The following LNP1 variants were observed in gnomAD, a reference collection of about 807,000 sequenced individuals.
The protein encoded by LNP1 is leukemia NUP98 fusion partner 1.
LNP1 carries 12 observed loss-of-function variants against 14.5 expected under a neutral mutation model. The ratio of observed to expected loss-of-function variants is 0.83; its 90% CI spans 0.53 to 1.34. The LOEUF is 1.34. Among genes scored for constraint, LNP1 ranks in the 40% most tolerant of loss-of-function variants. The pLI, the probability that LNP1 is intolerant of heterozygous loss-of-function variation, is 0.00. For synonymous variants in LNP1, 75 were observed against 71.4 expected, an observed-to-expected ratio of 1.05 and a Z score of -0.26; for missense variants, 198 against 210.9, an observed-to-expected ratio of 0.94 and a Z score of 0.38.
At chr3:100,450,065 G>A (rs1214635453) in intron 2 of LNP1, among the ~76,000 whole-genome samples, 3 of 147,372 alleles carry the variant, frequency 2.0e-5, no homozygotes, top group African/African-American at 5.0e-5. Flanking sequence ...CCTTTTGCTG[G>A]TCGTTTTTCT....
chr3:100,444,828 T>C (rs1201229420), intron 2 of LNP1, among the ~76,000 whole-genome samples: 1 of 152,244 alleles, frequency 6.6e-6, no homozygotes, highest in African/African-American at 2.4e-5. Context: ...ATTTTAATCT[T>C]GTCTGTAAGA....
Position 100,442,943 on chromosome 3 carries a change from A to G in LNP1, c.157-8776A>G, listed in dbSNP as rs149612832. On this transcript the variant is annotated intron_variant, in intron 2 of 3. Transcript: ENST00000383693. ...GTGAAGTCTCATGTCCTATGAAGAGAAAATAGGAGGAGGAAGGAAGAAAAA... is the reference window on the plus strand; with the variant it reads ...GTGAAGTCTCATGTCCTATGAAGAGGAAATAGGAGGAGGAAGGAAGAAAAA... Among the ~76,000 whole-genome samples, 213 of 152,248 alleles carry G rather than the reference A, an allele frequency of 1.4e-3. 1 individual carries two copies. The highest frequency in any genetic ancestry group is 0.014 in the Middle Eastern group (4 of 294).
intron 1 of LNP1, among the ~76,000 whole-genome samples, chr3:100,413,833 C>A (rs923160223): frequency 6.6e-6 from 1 of 152,160 alleles, no homozygotes; most frequent in Non-Finnish European, 1.5e-5. Flanking sequence ...GTAGAGTATT[C>A]ACTCATAAAA....
chr3:100,401,849 A>G lies in LNP1; in HGVS notation c.-624A>G, dbSNP rs1008741667. The G allele has an allele frequency of 2.0e-5, 3 of 152,222 alleles. No individual in the cohort carries two copies. The highest frequency in any genetic ancestry group is 4.8e-5 in the African/African-American group (2 of 41,436). The allele number at this position is 152,222 out of a possible 1,614,324, so 9.4% of individuals were successfully genotyped here. Reference sequence around the variant, plus strand: ...TCGCTGTGGCTCATCGTCGGCACCAATTAACGAAGCGATGACATCTGCGTT... The same window carrying G: ...TCGCTGTGGCTCATCGTCGGCACCAGTTAACGAAGCGATGACATCTGCGTT... On this transcript the variant is annotated 5_prime_UTR_variant, in exon 1 of 4. Coordinates refer to ENST00000383693, the MANE Select transcript of LNP1 (RefSeq NM_001085451.2).
chr3:100,450,029 A>G (rs1478791729), intron 2 of LNP1, among the ~76,000 whole-genome samples: 5 of 152,050 alleles, frequency 3.3e-5, no homozygotes, highest in Admixed American at 3.3e-4. Context: ...TAGTCAAAAT[A>G]AAAAAACTTT....
chr3:100,405,132 G>A (rs532148575), intron 1 of LNP1, among the ~76,000 whole-genome samples: 1 of 152,024 alleles, frequency 6.6e-6, no homozygotes, highest in Non-Finnish European at 1.5e-5. Context: ...TATTACCTTA[G>A]CAGTTACTCA....
At chr3:100,420,401 TC>T (rs1336933433) in intron 1 of LNP1, among the ~76,000 whole-genome samples, 3 of 152,112 alleles carry the variant, frequency 2.0e-5, no homozygotes, top group Non-Finnish European at 4.4e-5. Flanking sequence ...AGCCTCAACC[TC>T]CCGAGCTCAA....
At chr3:100,403,591 G>A (rs1018624200) in intron 1 of LNP1, among the ~76,000 whole-genome samples, 8 of 152,048 alleles carry the variant, frequency 5.3e-5, no homozygotes, top group Admixed American at 4.6e-4. Flanking sequence ...CAGCGTCCCA[G>A]TAGCTGGGAT....
chr3:100,437,040 A>G (rs1026809787), intron 2 of LNP1, among the ~76,000 whole-genome samples: 1 of 152,218 alleles, frequency 6.6e-6, no homozygotes, highest in Non-Finnish European at 1.5e-5. Context: ...TAGCCTCCAG[A>G]ACTGTGAGAA....
At chr3:100,437,453 G>T (rs1397612856) in intron 2 of LNP1, among the ~76,000 whole-genome samples, 3 of 152,100 alleles carry the variant, frequency 2.0e-5, no homozygotes, top group Non-Finnish European at 4.4e-5. Flanking sequence ...AGCAGGGTCT[G>T]TTCATTTCCC....
At chr3:100,452,403 T>A (rs1707469034) in intron 3 of LNP1, among the ~76,000 whole-genome samples, 1 of 151,846 alleles carries the variant, frequency 6.6e-6, no homozygotes. Context: ...GACAGGGTCT[T>A]GTTATGTTGC....
intron 2 of LNP1, among the ~76,000 whole-genome samples, chr3:100,442,397 A>G (rs1402657199): frequency 6.6e-6 from 1 of 152,168 alleles, no homozygotes; most frequent in Admixed American, 6.5e-5. Flanking sequence ...TCCCAACAAC[A>G]AGTGCCTAAG....
chr3:100,432,851 G>T (rs1333682419), intron 2 of LNP1, among the ~76,000 whole-genome samples: 1 of 152,052 alleles, frequency 6.6e-6, no homozygotes, highest in Non-Finnish European at 1.5e-5. Context: ...TGTAGTCTGG[G>T]GCTCGTGGAA....
intron 1 of LNP1, among the ~76,000 whole-genome samples, chr3:100,414,021 C>T (rs1487452666): frequency 6.6e-6 from 1 of 151,956 alleles, no homozygotes; most frequent in Non-Finnish European, 1.5e-5. Context: ...TTTTGAAAAA[C>T]ATTCAAAGCT....
intron 1 of LNP1, among the ~76,000 whole-genome samples, chr3:100,408,562 T>C (rs949294951): frequency 1.3e-5 from 2 of 152,194 alleles, no homozygotes; most frequent in African/African-American, 4.8e-5. Context: ...ACCACTGTAG[T>C]TGGCTGATGG....
At chr3:100,416,488 G>T (rs939273035) in intron 1 of LNP1, among the ~76,000 whole-genome samples, 2 of 151,728 alleles carry the variant, frequency 1.3e-5, no homozygotes, top group Non-Finnish European at 2.9e-5. Flanking sequence ...AATGAGAATT[G>T]GCATTTCAAG....
At chr3:100,433,113 T>C (rs1465333275) in intron 2 of LNP1, among the ~76,000 whole-genome samples, 1 of 152,214 alleles carries the variant, frequency 6.6e-6, no homozygotes, top group African/African-American at 2.4e-5. Flanking sequence ...GTTTGTTACA[T>C]GGGTGTACAT....
rs1419909905 is a variant in LNP1, at chr3:100,435,871, A to G, written c.156+5986A>G. On this transcript the variant is annotated intron_variant, in intron 2 of 3. Coordinates refer to ENST00000383693, the MANE Select transcript of LNP1 (RefSeq NM_001085451.2). ...TTTAAACATATTACAATTAGGCCCT[A>G]TTCATGAAAAGATCTTCTTAGGACA... is the stretch of plus-strand genomic sequence containing the variant. Among the ~76,000 whole-genome samples, 5 of 152,312 alleles carry G rather than the reference A, an allele frequency of 3.3e-5. No homozygotes were observed. The East Asian group carries it at 9.6e-4, about 29-fold the overall frequency.
intron 2 of LNP1, among the ~76,000 whole-genome samples, chr3:100,430,981 A>ACC (rs1444094327): frequency 6.6e-6 from 1 of 152,066 alleles, no homozygotes; most frequent in Non-Finnish European, 1.5e-5. Context: ...ATCTCTAAGA[A>ACC]CCCTTCTACC....
Sources: gnomAD v4.1 joint callset for allele counts (sites outside exome capture counted in the v4.1 genomes callset) on GRCh38, gnomAD v4.1.1 for gene constraint, MANE v1.5 for transcripts, NCBI Gene and HGNC (gene_info 2026-07-23, HGNC 2026-07-21) for gene names.